Variants in NPAT observed in about 807,000 individuals in gnomAD.
NPAT encodes nuclear protein, coactivator of histone transcription.
In NPAT, 52 loss-of-function variants were observed where a neutral mutation model predicts 130.7. The ratio of observed to expected loss-of-function variants is 0.40; its 90% CI spans 0.32 to 0.50. The LOEUF (loss-of-function observed/expected upper bound fraction) is 0.50, where lower values mean the gene tolerates loss of function less well. Among genes scored for constraint, NPAT ranks in the 20% least tolerant of loss-of-function variants. NPAT has a pLI of 0.68. For synonymous variants in NPAT, 580 were observed against 584.8 expected, an observed-to-expected ratio of 0.99 and a Z score of 0.12; for missense variants, 1,687 against 1,662.6, an observed-to-expected ratio of 1.01 and a Z score of -0.26.
intron 1 of NPAT, among the ~76,000 whole-genome samples, chr11:108,211,990 C>T (rs1390049357): frequency 6.8e-6 from 1 of 147,438 alleles, no homozygotes; most frequent in Non-Finnish European, 1.5e-5. Context: ...CCAAAGAAAC[C>T]AAAAAAAACA....
At position 108,193,995 on chromosome 11, in the gene NPAT, G is replaced by C. The variant is rs2078196372; in HGVS notation, c.179C>G (p.Thr60Arg). The C allele has an allele frequency of 1.3e-6, 2 of 1,569,848 alleles. No individual in the cohort carries two copies. The highest frequency in any genetic ancestry group is 2.2e-5 in the South Asian group (2 of 89,614). Residue 60 changes from threonine to arginine, a missense_variant, in exon 3 of 18, where the codon ACA becomes AGA. This residue lies in a region of NPAT where 307 missense variants were observed against 298.9 expected (regional missense o/e 1.03). Coordinates refer to ENST00000278612, the MANE Select transcript of NPAT (RefSeq NM_002519.3). The part of the protein sequence containing the change: ...CLLSLFGKNL[T>R]TILNEYVAMK... ...AGCTACATACTCATTTAAAATTGTT[G>C]TCAAGTTTTTTCCAAATAAGGACTG... is the stretch of plus-strand genomic sequence containing the variant.
chr11:108,199,683 G>T (rs1394926841), intron 1 of NPAT, among the ~76,000 whole-genome samples: 1 of 152,174 alleles, frequency 6.6e-6, no homozygotes. Context: ...ATCACCCTCG[G>T]GTACTGGGAA....
At chr11:108,170,935 A>AT in intron 13 of NPAT, among the ~76,000 whole-genome samples, 1 of 152,144 alleles carries the variant, frequency 6.6e-6, no homozygotes, top group Non-Finnish European at 1.5e-5. Context: ...TTGTATGTCT[A>AT]TAATGTAACA....
In NPAT at chr11:108,174,636, CAG is replaced by C. The variant is rs2077987273; in HGVS notation, c.1133-787_1133-786del. On this transcript the variant is annotated intron_variant, in intron 12 of 17. Coordinates refer to ENST00000278612, the MANE Select transcript of NPAT (RefSeq NM_002519.3). ...TTTCCTTTTTTTTTTTTTTTTGAGA[CAG>C]AGTCTTGCTCTGTCGCCCAGGCTGG... Among the ~76,000 whole-genome samples the C allele has an allele frequency of 6.5e-5, 8 of 122,270 alleles. No individual in the cohort carries two copies. In the South Asian group the frequency reaches 1.1e-3, roughly 16 times the overall value. The allele number at this position is 122,270 out of a possible 152,430, so 80.2% of individuals were successfully genotyped here.
At chr11:108,198,121 T>C (rs772411594) in intron 1 of NPAT, among the ~76,000 whole-genome samples, 1 of 152,164 alleles carries the variant, frequency 6.6e-6, no homozygotes, top group African/African-American at 2.4e-5. Flanking sequence ...AATCAGAGTA[T>C]CAACTCTTCA....
At position 108,185,303 on chromosome 11, in the gene NPAT, G is replaced by C; in HGVS notation, c.835C>G (p.Gln279Glu). The C allele has an allele frequency of 6.2e-7, 1 of 1,610,276 alleles. No homozygotes were observed. The highest frequency in any genetic ancestry group is 8.5e-7 in the Non-Finnish European group (1 of 1,177,390). The change falls in exon 10 of 18, where the codon CAA becomes GAA. Residue 279 changes from glutamine to glutamate, a missense_variant. This residue lies in a region of NPAT where 1,379 missense variants were observed against 1,346.6 expected (regional missense o/e 1.02). Coordinates refer to ENST00000278612, the MANE Select transcript of NPAT (RefSeq NM_002519.3). Reference sequence around the variant, plus strand: ...TTGTTATCTGTTTGCTTAGGTACTTGGGCAATATTGTTATCACTGTTAATA... The same window carrying C: ...TTGTTATCTGTTTGCTTAGGTACTTCGGCAATATTGTTATCACTGTTAATA... ...KFLTSDNNIA[Q>E]VPKQTDNNPT...
chr11:108,168,773 A>G (rs112079371), intron 15 of NPAT, among the ~76,000 whole-genome samples: 2,094 of 152,296 alleles, frequency 0.014, 47 homozygotes, highest in African/African-American at 0.047. Flanking sequence ...GGTAGAAGAG[A>G]TAGCATTGGT....
In NPAT at chr11:108,169,674, AT is replaced by A. The variant is rs1227971433; in HGVS notation, c.3010+69del. 50 of 1,104,522 alleles carry A rather than the reference AT, an allele frequency of 4.5e-5. No homozygotes were observed. In the African/African-American group the frequency reaches 7.2e-4, roughly 16 times the overall value. 68.4% of individuals were successfully genotyped at this position (1,104,522 alleles called of 1,614,324 possible). A position where few individuals can be genotyped will look rare whatever the true frequency, so the allele number is the denominator to read the frequency against. Reference sequence around the variant, plus strand: ...TGGTTTAGGTATTCAGAAAGAAAACATTTAGGTGTTGCTGCAAACAAATGAA... The same window carrying A: ...TGGTTTAGGTATTCAGAAAGAAAACATTAGGTGTTGCTGCAAACAAATGAA... On this transcript the variant is annotated intron_variant, in intron 15 of 17. Transcript: ENST00000278612.
In NPAT at chr11:108,176,323, A is replaced by G. The variant is rs764979561; in HGVS notation, c.1055T>C (p.Met352Thr). ...NISQSISSQPMESNPSIVLAD... is the reference protein window; with the variant it reads ...NISQSISSQPTESNPSIVLAD... ...TAAGACTATACTGGGATTGGATTCC[A>G]TAGGTTGACTGGAAATACTTTGTGA... Residue 352 changes from methionine to threonine, a missense_variant, in exon 12 of 18, where the codon ATG becomes ACG. Met to Thr is a moderately conservative substitution (Grantham distance 81). Coordinates refer to ENST00000278612, the MANE Select transcript of NPAT (RefSeq NM_002519.3). 1 of 1,566,398 alleles carries G rather than the reference A, an allele frequency of 6.4e-7. No individual in the cohort carries two copies. The highest frequency in any genetic ancestry group is 1.4e-5 in the African/African-American group (1 of 73,998).
chr11:108,207,216 T>TA (rs1467631944), intron 1 of NPAT, among the ~76,000 whole-genome samples: 2 of 152,228 alleles, frequency 1.3e-5, no homozygotes, highest in African/African-American at 2.4e-5. Context: ...CTGGGGTTTT[T>TA]ATGGACCTCA....
intron 15 of NPAT, among the ~76,000 whole-genome samples, chr11:108,169,153 T>A (rs138442545): frequency 6.6e-4 from 100 of 152,160 alleles, no homozygotes; most frequent in African/African-American, 2.3e-3. Context: ...GAGAGGAAAA[T>A]GTGTTTTAAG....
chr11:108,204,035 G>A (rs1439781665), intron 1 of NPAT, among the ~76,000 whole-genome samples: 1 of 152,222 alleles, frequency 6.6e-6, no homozygotes. Context: ...AGGCCTCTGA[G>A]AGAGATCAGA....
intron 2 of NPAT, among the ~76,000 whole-genome samples, chr11:108,194,599 A>G (rs1467588710): frequency 1.3e-5 from 2 of 152,222 alleles, no homozygotes; most frequent in African/African-American, 4.8e-5. Context: ...TTATGAACAC[A>G]TCAGAGTTTG....
rs1429829795 is a variant in NPAT, at chr11:108,165,450, ATT to A, written c.3011-3272_3011-3271del. Among the ~76,000 whole-genome samples, 8 of 113,374 alleles carry A rather than the reference ATT, an allele frequency of 7.1e-5. No individual in the cohort carries two copies. In the Admixed American group the frequency reaches 8.6e-4, roughly 12 times the overall value. The allele number at this position is 113,374 out of a possible 152,430, so 74.4% of individuals were successfully genotyped here. On this transcript the variant is annotated intron_variant, in intron 15 of 17. Coordinates refer to ENST00000278612, the MANE Select transcript of NPAT (RefSeq NM_002519.3). ...TATTAATATATACACACACATATGT[ATT>A]TATATATATATATATATATATTTTT...
chr11:108,170,477 C>A (rs569069261), intron 13 of NPAT, among the ~76,000 whole-genome samples: 1 of 152,178 alleles, frequency 6.6e-6, no homozygotes, highest in Non-Finnish European at 1.5e-5. Flanking sequence ...CAGGACTACA[C>A]TTGTAACCCC....
At chr11:108,162,261 T>C (rs1306551822) in intron 15 of NPAT, 81 bp from the exon 16 acceptor site, 2 of 1,312,634 alleles carry the variant, frequency 1.5e-6, no homozygotes, top group Non-Finnish European at 1.1e-6. Flanking sequence ...TTATCACATA[T>C]CATGAGAAAA....
chr11:108,165,473 T>TA (rs1555039293), intron 15 of NPAT, among the ~76,000 whole-genome samples: 3,258 of 66,470 alleles, frequency 0.049, 56 homozygotes, highest in Middle Eastern at 0.11. Flanking sequence ...TATATATATA[T>TA]TTTTTTTTTG....
At chr11:108,174,717 T>A (rs938651982) in intron 12 of NPAT, among the ~76,000 whole-genome samples, 1 of 151,330 alleles carries the variant, frequency 6.6e-6, no homozygotes, top group Admixed American at 6.6e-5. Flanking sequence ...CGGGTTCATG[T>A]GATTCTCCTG....
chr11:108,172,857 T>A lies in NPAT; in HGVS notation c.2127A>T (p.Ser709=), dbSNP rs554123080. Residue 709 remains serine (S), a synonymous_variant, in exon 13 of 18, where the codon TCA becomes TCT. Coordinates refer to ENST00000278612, the MANE Select transcript of NPAT (RefSeq NM_002519.3). ...HSLPPESVCS[S]VGDSHPESQN... ...GGGACTCAGGGTGAGAATCTCCCAC[T>A]GAAGAACACACAGATTCTGGAGGAA... 6.2e-7 allele frequency: 1 copy of A among 1,614,054 alleles called. No individual in the cohort carries two copies. Among genetic ancestry groups the A allele is most frequent in the Non-Finnish European group, 8.5e-7 (1 of 1,180,032 alleles).
Sources: allele counts gnomAD v4.1 joint callset (sites outside exome capture counted in the v4.1 genomes callset), GRCh38; gene constraint gnomAD v4.1.1; regional missense constraint gnomAD v4.1.1; transcripts MANE v1.5; gene names NCBI Gene and HGNC (gene_info 2026-07-23, HGNC 2026-07-21).